Variants in FAM181A observed in about 807,000 individuals in gnomAD.
FAM181A encodes family with sequence similarity 181 member A.
FAM181A carries 7 observed loss-of-function variants against 16.3 expected under a neutral mutation model. That is an observed-to-expected ratio of 0.43 (90% CI 0.24 to 0.81). The LOEUF is 0.81. Among genes scored for constraint, FAM181A ranks in the 30% least tolerant of loss-of-function variants. The pLI is 0.24. For missense variants in FAM181A, 349 were observed against 377.5 expected (o/e 0.92, Z 0.63); for synonymous variants, 183 against 164.9 (o/e 1.11, Z -0.84).
chr14:93,927,722 T>G, intron 1 of FAM181A: 6 of 847,338 alleles, frequency 7.1e-6, no homozygotes, highest in Non-Finnish European at 9.0e-6. Context: ...CTGGTGCTCC[T>G]CGTGCTGGGG....
At chr14:93,927,315 T>A (rs1887945677), upstream of FAM181A, 1 of 1,053,390 alleles carries the variant, frequency 9.5e-7, no homozygotes, top group African/African-American at 1.7e-5. Context: ...CTCCGGGGAG[T>A]TGTCCTCCAT....
rs761151714 is a variant in FAM181A at position 93,929,033 on chromosome 14, G to C, written c.748G>C (p.Gly250Arg). 3 of 1,604,830 alleles carry C rather than the reference G, an allele frequency of 1.9e-6. No homozygotes were observed. Among genetic ancestry groups the C allele is most frequent in the African/African-American group, 1.3e-5 (1 of 74,622 alleles). Residue 250 changes from glycine to arginine, a missense_variant, in exon 2 of 2, where the codon GGG becomes CGG. By Grantham distance (125) the Gly-to-Arg change is moderately radical. Coordinates refer to ENST00000556222, the MANE Select transcript of FAM181A (RefSeq NM_001207073.2). ...TTGGAGGAAGAGCCCAGCCTTTCCC[G>C]GGGAGCTGGCGCACCTCTGCAAGGA... ...GLWRKSPAFPGELAHLCKDVD... is the reference protein window; with the variant it reads ...GLWRKSPAFPRELAHLCKDVD...
chr14:93,928,282 G>C lies in FAM181A; in HGVS notation c.-4G>C, dbSNP rs200679916. On this transcript the variant is annotated 5_prime_UTR_variant, in exon 2 of 2. Coordinates refer to ENST00000556222, the MANE Select transcript of FAM181A (RefSeq NM_001207073.2). ...GGAAAGCCTCGTGCAGTGGCCCCCT[G>C]GTGATGGCATCCGACAGTGATGTGA... 149 of 1,613,822 alleles carry C rather than the reference G, an allele frequency of 9.2e-5. No homozygotes were observed. Among genetic ancestry groups the C allele is most frequent in the Middle Eastern group, 1.6e-4 (1 of 6,062 alleles).
chr14:93,927,907 A>C (rs113657268), intron 1 of FAM181A, among the ~76,000 whole-genome samples: 10 of 152,116 alleles, frequency 6.6e-5, no homozygotes, highest in Non-Finnish European at 1.2e-4. Flanking sequence ...AGCCCCAGCA[A>C]TGCCACCTGT....
At position 93,929,116 on chromosome 14, in the gene FAM181A, C is replaced by A; in HGVS notation, c.831C>A (p.Thr277=). The A allele has an allele frequency of 6.5e-7, 1 of 1,527,744 alleles. No homozygotes were observed. 94.6% of individuals were successfully genotyped at this position (1,527,744 alleles called of 1,614,324 possible). A position where few individuals can be genotyped will look rare whatever the true frequency, so the allele number is the denominator to read the frequency against. The change falls in exon 2 of 2, where the codon ACC becomes ACA. Residue 277 remains threonine, a synonymous_variant. Coordinates refer to ENST00000556222, the MANE Select transcript of FAM181A (RefSeq NM_001207073.2). The part of the protein sequence containing the change: ...CRPVVLKPIP[T]KPAVPPPIFN... ...CCGTGGTGCTGAAACCCATCCCCAC[C>A]AAGCCAGCCGTGCCCCCACCCATCT...
chr14:93,928,460 C>A lies in FAM181A; in HGVS notation c.175C>A (p.Leu59Ile), dbSNP rs1888008893. ...SQKYSRLPRG[L>I]PGRAAEPYLK... ...GAAGTATTCCCGGCTCCCGCGGGGC[C>A]TTCCTGGCAGAGCTGCTGAGCCCTA... Residue 59 changes from leucine (L) to isoleucine (I), a missense_variant, in exon 2 of 2, where the codon CTT becomes ATT. Physicochemically the swap from Leu to Ile is conservative, Grantham distance 5. Transcript: ENST00000556222. 4.3e-6 allele frequency: 7 copies of A among 1,611,636 alleles called. No individual in the cohort carries two copies. Among genetic ancestry groups the A allele is most frequent in the Non-Finnish European group, 5.9e-6 (7 of 1,178,242 alleles).
At chr14:93,923,222 G>A (rs144477374), upstream of FAM181A, among the ~76,000 whole-genome samples, 368 of 152,282 alleles carry the variant, frequency 2.4e-3, 2 homozygotes, top group African/African-American at 8.3e-3. Flanking sequence ...TGATCCATCC[G>A]TGTCGGCCTC....
chr14:93,928,995 C>T lies in FAM181A; in HGVS notation c.710C>T (p.Pro237Leu), dbSNP rs556211566. 1.2e-5 allele frequency: 20 copies of T among 1,610,940 alleles called. No individual in the cohort carries two copies. The African/African-American group carries it at 1.5e-4, about 12-fold the overall frequency. Reference protein sequence around the residue: ...PLGALPQSPVPSLGLWRKSPA... With the variant: ...PLGALPQSPVLSLGLWRKSPA... ...GGGGCACTGCCTCAGAGTCCTGTCC[C>T]CAGCCTGGGCCTTTGGAGGAAGAGC... Residue 237 changes from proline (P) to leucine (L), a missense_variant, in exon 2 of 2, where the codon CCC (proline) becomes CTC (leucine). Transcript: ENST00000556222.
chr14:93,928,073 C>T (rs1887985551), intron 1 of FAM181A, 126 bp from the exon 2 acceptor site: 19 of 1,445,656 alleles, frequency 1.3e-5, no homozygotes, highest in Non-Finnish European at 1.5e-5. Flanking sequence ...TCCCTCTACC[C>T]AGGACTCTGT....
At chr14:93,927,309 G>A (rs1595288071), upstream of FAM181A, 2 of 1,050,580 alleles carry the variant, frequency 1.9e-6, no homozygotes, top group Non-Finnish European at 1.2e-6. Flanking sequence ...CCCCAGCTCC[G>A]GGGAGTTGTC....
At chr14:93,925,205 A>G, upstream of FAM181A, 1 of 1,471,052 alleles carries the variant, frequency 6.8e-7, no homozygotes, top group East Asian at 2.3e-5. Context: ...ATGGGCCAGC[A>G]GGGCTGCAGG....
At chr14:93,926,422 G>C (rs1246978116), upstream of FAM181A, 3 of 152,230 alleles carry the variant, frequency 2.0e-5, no homozygotes, top group African/African-American at 7.2e-5. This position sits in a 1 kb window ranked among gnomAD's most constrained non-coding sequence, Gnocchi z 5.2. Flanking sequence ...GCAGGCCAGG[G>C]GGAGCCATGG....
chr14:93,927,437 G>T lies in FAM181A; in HGVS notation c.-105G>T. ...GAACCTGCCGGGCCACGTTGGTGGG[G>T]CCTGGGCCGCACCTTCGGTCAGTGT... On this transcript the variant is annotated 5_prime_UTR_variant, in exon 1 of 2. Coordinates refer to ENST00000556222, the MANE Select transcript of FAM181A (RefSeq NM_001207073.2). The T allele has an allele frequency of 1.6e-6, 2 of 1,217,238 alleles. No individual in the cohort carries two copies. The highest frequency in any genetic ancestry group is 2.1e-6 in the Non-Finnish European group (2 of 948,262). 75.4% of individuals were successfully genotyped at this position (1,217,238 alleles called of 1,614,324 possible).
chr14:93,928,085 T>C, intron 1 of FAM181A, 114 bp from the exon 2 acceptor site: 1 of 1,488,712 alleles, frequency 6.7e-7, no homozygotes, highest in Non-Finnish European at 9.0e-7. Flanking sequence ...GGACTCTGTT[T>C]AGGGCTGAGA....
upstream of FAM181A, chr14:93,925,392 A>G (rs1887865944): frequency 1.9e-6 from 3 of 1,606,136 alleles, no homozygotes; most frequent in Non-Finnish European, 1.7e-6. Context: ...GTCAGATGCC[A>G]GCTGCTGGAG....
intron 1 of FAM181A, among the ~76,000 whole-genome samples, chr14:93,919,951 A>G (rs1167298067): frequency 6.6e-6 from 1 of 152,094 alleles, no homozygotes; most frequent in Non-Finnish European, 1.5e-5. Flanking sequence ...AAGAAGAAGA[A>G]AGGAAGTAAT....
At chr14:93,926,570 A>G (rs551704936), upstream of FAM181A, among the ~76,000 whole-genome samples, 119 of 152,348 alleles carry the variant, frequency 7.8e-4, 2 homozygotes, top group African/African-American at 2.5e-3. The surrounding 1 kb of genome is among the most constrained non-coding windows in gnomAD (Gnocchi z 5.2). Flanking sequence ...TGCAACGCCA[A>G]CCTTTTGTCC....
rs748472972 is a variant in FAM181A at position 93,928,736 on chromosome 14, G to A, written c.451G>A (p.Val151Met). The change falls in exon 2 of 2, where the codon GTG becomes ATG. Residue 151 changes from valine to methionine, a missense_variant. By Grantham distance (21) the Val-to-Met change is conservative. Coordinates refer to ENST00000556222, the MANE Select transcript of FAM181A (RefSeq NM_001207073.2). ...EEPRPTHSYHVGLEGGLGPRE... is the reference protein window; with the variant it reads ...EEPRPTHSYHMGLEGGLGPRE... The stretch of plus-strand genomic sequence containing the variant: ...GCCAAGGCCCACCCACAGCTACCAT[G>A]TGGGGCTGGAGGGGGGACTGGGCCC... 1 of 1,614,008 alleles carries A rather than the reference G, an allele frequency of 6.2e-7. No individual in the cohort carries two copies. The highest frequency in any genetic ancestry group is 8.5e-7 in the Non-Finnish European group (1 of 1,179,974).
At position 93,929,390 on chromosome 14, in the gene FAM181A, C is replaced by T; in HGVS notation, c.*226C>T. 1.9e-6 allele frequency: 1 copy of T among 513,608 alleles called. No individual in the cohort carries two copies. Among genetic ancestry groups the T allele is most frequent in the Non-Finnish European group, 3.3e-6 (1 of 306,824 alleles). The allele number at this position is 513,608 out of a possible 1,614,324, so 31.8% of individuals were successfully genotyped here. ...CCTGGTTGGCCCCTCCCCAGGCAGG[C>T]CAGGGCCCAGCAGCTTGTCCCGCTG... is the stretch of plus-strand genomic sequence containing the variant. On this transcript the variant is annotated 3_prime_UTR_variant, in exon 2 of 2. Coordinates refer to ENST00000556222, the MANE Select transcript of FAM181A (RefSeq NM_001207073.2).
Sources: gnomAD v4.1 joint callset for allele counts (sites outside exome capture counted in the v4.1 genomes callset) on GRCh38, gnomAD v4.1.1 for gene constraint, Gnocchi (gnomAD v3.1) non-coding constraint, MANE v1.5 for transcripts, NCBI Gene and HGNC (gene_info 2026-07-23, HGNC 2026-07-21) for gene names.